The following SAFB2 variants were observed in gnomAD, a reference collection of about 807,000 sequenced individuals.
SAFB2 encodes scaffold attachment factor B2.
In SAFB2, 32 loss-of-function variants were observed where a neutral mutation model predicts 100.6. The ratio of observed to expected loss-of-function variants is 0.32; its 90% CI spans 0.24 to 0.43. The LOEUF (loss-of-function observed/expected upper bound fraction) is 0.43. SAFB2 is among the 20% of genes least tolerant of loss of function. The probability of loss-of-function intolerance (pLI) is 1.00; values close to 1 mark genes in which losing one functional copy is unlikely to be tolerated. For missense variants in SAFB2, 1,185 were observed against 1,163.4 expected (o/e 1.02, Z -0.27); for synonymous variants, 500 against 439.4 (o/e 1.14, Z -1.72).
rs751124852 is a variant in SAFB2, at chr19:5,622,635, C to A, written c.81G>T (p.Thr27=). 6.8e-6 allele frequency: 11 copies of A among 1,611,598 alleles called. No homozygotes were observed. In the Middle Eastern group the frequency reaches 4.9e-4, roughly 72 times the overall value. The change falls in exon 1 of 21, where the codon ACG becomes ACT. Residue 27 remains threonine, a synonymous_variant. Coordinates refer to ENST00000252542, the MANE Select transcript of SAFB2 (RefSeq NM_014649.3). Reference sequence around the variant, plus strand: ...TCACCCGCAGCTCGCTGAGCCGCCTCGTCCCAGTCTCCGCAACGCCCGGGC... The same window carrying A: ...TCACCCGCAGCTCGCTGAGCCGCCTAGTCCCAGTCTCCGCAACGCCCGGGC... The part of the protein sequence containing the change: ...SLGPGVAETG[T]RRLSELRVID...
chr19:5,602,350 G>A (rs2052676914), intron 11 of SAFB2, among the ~76,000 whole-genome samples: 1 of 151,770 alleles, frequency 6.6e-6, no homozygotes, highest in South Asian at 2.1e-4. Flanking sequence ...CGTGGTGGTA[G>A]GCGCCTATAG....
At chr19:5,603,703 C>T (rs1326317050) in intron 11 of SAFB2, among the ~76,000 whole-genome samples, 1 of 152,036 alleles carries the variant, frequency 6.6e-6, no homozygotes, top group Admixed American at 6.5e-5. Context: ...ACCGTGAGAA[C>T]TCACAGGGTG....
rs756517933 is a variant in SAFB2, at chr19:5,595,334, C to T, written c.1919+27G>A. On this transcript the variant is annotated intron_variant, in intron 14 of 20. Transcript: ENST00000252542. ...AGCCACCCCGAGAGGAAACCACCAG[C>T]CCACAGCCTCACCCAGCTCCACTCA... is the stretch of plus-strand genomic sequence containing the variant. The T allele has an allele frequency of 8.1e-6, 13 of 1,601,922 alleles. No individual in the cohort carries two copies. In the African/African-American group the frequency reaches 1.5e-4, roughly 18 times the overall value.
At chr19:5,600,029 C>T (rs923675924) in intron 12 of SAFB2, 101 bp downstream of exon 12, 3 of 1,235,464 alleles carry the variant, frequency 2.4e-6, no homozygotes, top group African/African-American at 1.5e-5. Flanking sequence ...AGCGAAACAG[C>T]CATGTCACCA....
At position 5,593,897 on chromosome 19, in the gene SAFB2, AG is replaced by A. The variant is rs1901414516; in HGVS notation, c.2200del (p.Leu734TrpfsTer57). ...CGCTCTGGGCGGGACTCACCGGTCC[AG>A]GTCGTAGGGCCTCCGCCCGGGCCGC... ...ERRPGRRPYDLDRRDDAYWPE... is the reference protein window; with the variant it reads ...ERRPGRRPYDXDRRDDAYWPE... On this transcript the variant is annotated frameshift_variant, in exon 15 of 21. Transcript: ENST00000252542. LOFTEE classifies it high-confidence loss of function. 6.7e-7 allele frequency: 1 copy of A among 1,503,364 alleles called. No individual in the cohort carries two copies. The highest frequency in any genetic ancestry group is 8.8e-7 in the Non-Finnish European group (1 of 1,137,744). 93.1% of individuals were successfully genotyped at this position (1,503,364 alleles called of 1,614,324 possible). A position where few individuals can be genotyped will look rare whatever the true frequency, so the allele number is the denominator to read the frequency against.
chr19:5,616,100 G>C, intron 4 of SAFB2, 32 bp downstream of exon 4: 1 of 1,608,502 alleles, frequency 6.2e-7, no homozygotes, highest in South Asian at 1.1e-5. Flanking sequence ...CGGGGCTATG[G>C]GCACATCCTG....
chr19:5,592,981 C>T, intron 15 of SAFB2, 94 bp from the exon 16 acceptor site: 1 of 1,162,408 alleles, frequency 8.6e-7, no homozygotes, highest in Non-Finnish European at 1.3e-6. Flanking sequence ...GAGCTCTCTC[C>T]CCAGACCCAG....
rs762701544 is a variant in SAFB2, at chr19:5,604,944, A to G, written c.1297-8T>C. 15 of 1,611,194 alleles carry G rather than the reference A, an allele frequency of 9.3e-6. No homozygotes were observed. In the Admixed American group the frequency reaches 2.3e-4, roughly 25 times the overall value. On this transcript the variant is annotated splice_polypyrimidine_tract_variant and splice_region_variant and intron_variant, in intron 9 of 20. Coordinates refer to ENST00000252542, the MANE Select transcript of SAFB2 (RefSeq NM_014649.3). ...CACTTTGGCCCCGACAACCTTCATG[A>G]AAAAGGGCACTCTTACTCTCTCATA...
At chr19:5,609,760 G>A (rs1464137940) in intron 9 of SAFB2, among the ~76,000 whole-genome samples, 2 of 152,182 alleles carry the variant, frequency 1.3e-5, no homozygotes, top group East Asian at 3.9e-4. Flanking sequence ...CTGTGAGTCA[G>A]GAAACAAGGT....
chr19:5,593,717 A>G (rs1599232314), intron 15 of SAFB2, 174 bp downstream of exon 15: 1 of 650,248 alleles, frequency 1.5e-6, no homozygotes, highest in East Asian at 3.3e-5. Flanking sequence ...ACAGCGAACT[A>G]ATAAACCTGC....
In SAFB2 at chr19:5,600,135, T is replaced by A; in HGVS notation, c.1685A>T (p.Lys562Ile). The A allele has an allele frequency of 6.2e-7, 1 of 1,611,618 alleles. No individual in the cohort carries two copies. The highest frequency in any genetic ancestry group is 1.1e-5 in the South Asian group (1 of 90,386). Residue 562 changes from lysine (K) to isoleucine (I), a missense_variant, in exon 12 of 21, where the codon AAA (lysine) becomes ATA (isoleucine). Coordinates refer to ENST00000252542, the MANE Select transcript of SAFB2 (RefSeq NM_014649.3). ...TCTTAAAAGGCTCTCCTCACCTGAT[T>A]TGGTGACTCTAGACCGATTTGTAGG... ...PGPTNRSRVT[K>I]SGSRGMERTV...
chr19:5,600,320 A>T (rs1599246297), intron 11 of SAFB2, 60 bp from the exon 12 acceptor site: 2 of 1,588,898 alleles, frequency 1.3e-6, no homozygotes, highest in Non-Finnish European at 1.7e-6. Context: ...GGAACGGCTC[A>T]CCCAGAGCCT....
intron 11 of SAFB2, 102 bp downstream of exon 11, chr19:5,604,481 G>A (rs1229196779): frequency 5.4e-6 from 4 of 746,324 alleles, no homozygotes; most frequent in Middle Eastern, 2.8e-4. Context: ...GCAAGGCTGC[G>A]TGGGTACAGG....
Position 5,587,812 on chromosome 19 carries a change from C to A in SAFB2, c.2639-45G>T. The A allele has an allele frequency of 6.4e-7, 1 of 1,565,996 alleles. No homozygotes were observed. ...TGCAAACACTCCGTTCCTGGGGAAG[C>A]CCCTGGACACATGTGGGGGCCACAG... On this transcript the variant is annotated intron_variant, in intron 19 of 20. Coordinates refer to ENST00000252542, the MANE Select transcript of SAFB2 (RefSeq NM_014649.3). This position sits in a 1 kb window ranked among gnomAD's most constrained non-coding sequence, Gnocchi z 4.9.
intron 11 of SAFB2, among the ~76,000 whole-genome samples, chr19:5,602,229 G>A (rs2052673592): frequency 6.6e-6 from 1 of 152,088 alleles, no homozygotes; most frequent in African/African-American, 2.4e-5. Context: ...TGTAATCCCA[G>A]CACTTTGGGA....
chr19:5,610,817 T>G, intron 7 of SAFB2, 129 bp from the exon 8 acceptor site: 2 of 761,484 alleles, frequency 2.6e-6, no homozygotes, highest in Non-Finnish European at 4.2e-6. Flanking sequence ...AACAGACACC[T>G]CTGCAAGCTT....
chr19:5,608,582 G>T (rs150191839), intron 9 of SAFB2, among the ~76,000 whole-genome samples: 51 of 152,300 alleles, frequency 3.3e-4, no homozygotes, highest in African/African-American at 1.2e-3. Flanking sequence ...ACACCTGATC[G>T]GGTGACACAG....
At chr19:5,591,660 G>T in intron 17 of SAFB2, 88 bp downstream of exon 17, 2 of 1,360,318 alleles carry the variant, frequency 1.5e-6, no homozygotes, top group Non-Finnish European at 2.1e-6. Flanking sequence ...ACCTCTCTGG[G>T]ATCAAGCGGC....
intron 12 of SAFB2, 98 bp from the exon 13 acceptor site, chr19:5,598,982 A>AG (rs2052594516): frequency 3.8e-6 from 4 of 1,050,880 alleles, no homozygotes; most frequent in Admixed American, 1.9e-5. Context: ...TGAACACACA[A>AG]GGCGTGAGTC....
Sources: allele counts gnomAD v4.1 joint callset (sites outside exome capture counted in the v4.1 genomes callset), GRCh38; gene constraint gnomAD v4.1.1; non-coding constraint Gnocchi (gnomAD v3.1); transcripts MANE v1.5; gene names NCBI Gene and HGNC (gene_info 2026-07-23, HGNC 2026-07-21).